The following SPATA18 variants were observed in gnomAD, a reference collection of about 807,000 sequenced individuals.
SPATA18 encodes the protein spermatogenesis associated 18.
A neutral mutation model predicts 68.1 loss-of-function variants in SPATA18; 54 were observed. The ratio of observed to expected loss-of-function variants is 0.79; its 90% CI spans 0.64 to 0.99. The LOEUF (loss-of-function observed/expected upper bound fraction) is 0.99. Among genes scored for constraint, SPATA18 ranks in the 50% least tolerant of loss-of-function variants. SPATA18 has a pLI of 0.00. For synonymous variants in SPATA18, 242 were observed against 244.8 expected, an observed-to-expected ratio of 0.99 and a Z score of 0.11; for missense variants, 724 against 681.1, an observed-to-expected ratio of 1.06 and a Z score of -0.70.
In SPATA18 at chr4:52,062,222, C is replaced by A; in HGVS notation, c.312C>A (p.Asp104Glu). ...TTTTTTTTGGTGTATCTTTCCAGGA[C>A]ACGTTTGATAGGGAGAGACATAAAG... Reference protein sequence around the residue: ...SVDSKVPSLQDTFDRERHKDP... With the variant: ...SVDSKVPSLQETFDRERHKDP... The change falls in exon 4 of 13, where the codon GAC becomes GAA. Residue 104 changes from aspartate to glutamate, a missense_variant and splice_region_variant. Asp to Glu is a conservative substitution (Grantham distance 45). Transcript: ENST00000295213. The A allele has an allele frequency of 4.1e-6, 6 of 1,462,240 alleles. No homozygotes were observed. The highest frequency in any genetic ancestry group is 4.6e-6 in the Non-Finnish European group (5 of 1,080,266). The allele number at this position is 1,462,240 out of a possible 1,614,324, so 90.6% of individuals were successfully genotyped here.
intron 4 of SPATA18, among the ~76,000 whole-genome samples, chr4:52,066,739 G>A (rs1440837150): frequency 6.6e-6 from 1 of 152,142 alleles, no homozygotes; most frequent in African/African-American, 2.4e-5. Flanking sequence ...CCACTTATGA[G>A]TGAGAACATG....
At chr4:52,057,192 T>C (rs946726271) in intron 1 of SPATA18, among the ~76,000 whole-genome samples, 3 of 152,118 alleles carry the variant, frequency 2.0e-5, no homozygotes, top group Non-Finnish European at 4.4e-5. Context: ...TTTTTTTTTT[T>C]AATATAGCTT....
At chr4:52,080,628 T>G (rs1333759071) in intron 9 of SPATA18, among the ~76,000 whole-genome samples, 2 of 152,222 alleles carry the variant, frequency 1.3e-5, no homozygotes, top group African/African-American at 2.4e-5. Context: ...AGCCTCAAGC[T>G]GCTTAGGTTC....
Position 52,079,935 on chromosome 4 carries a change from G to A in SPATA18, c.1355+16G>A. The A allele has an allele frequency of 1.2e-6, 2 of 1,606,828 alleles. No individual in the cohort carries two copies. The highest frequency in any genetic ancestry group is 2.2e-5 in the South Asian group (2 of 89,666). ...ATGATTGCAAGTAAGAGACACAGGAGCAGAAGCTAAGGGATTTATCATGAA... is the reference window on the plus strand; with the variant it reads ...ATGATTGCAAGTAAGAGACACAGGAACAGAAGCTAAGGGATTTATCATGAA... On this transcript the variant is annotated intron_variant, in intron 9 of 12. Transcript: ENST00000295213.
At chr4:52,071,694 G>A (rs1739855993) in intron 5 of SPATA18, among the ~76,000 whole-genome samples, 2 of 152,118 alleles carry the variant, frequency 1.3e-5, no homozygotes, top group Admixed American at 6.5e-5. Context: ...TTTTCCCCAT[G>A]CAAGCTGCAG....
At chr4:52,059,881 C>T (rs1480953605) in intron 1 of SPATA18, among the ~76,000 whole-genome samples, 1 of 152,148 alleles carries the variant, frequency 6.6e-6, no homozygotes, top group Admixed American at 6.5e-5. Flanking sequence ...TTTGTATTGT[C>T]TTATAACAGG....
intron 1 of SPATA18, among the ~76,000 whole-genome samples, chr4:52,056,971 G>A (rs1484516419): frequency 2.6e-5 from 4 of 152,028 alleles, no homozygotes; most frequent in African/African-American, 4.8e-5. Flanking sequence ...CTCACTTTCC[G>A]CTAATATGCC....
chr4:52,087,647 G>T (rs958567521), intron 11 of SPATA18, among the ~76,000 whole-genome samples: 11 of 152,104 alleles, frequency 7.2e-5, no homozygotes, highest in Admixed American at 3.9e-4. Flanking sequence ...TTTTGTACAA[G>T]TACCATGCTG....
intron 6 of SPATA18, among the ~76,000 whole-genome samples, chr4:52,072,775 GA>G (rs1560595084): frequency 6.6e-6 from 1 of 152,212 alleles, no homozygotes; most frequent in East Asian, 1.9e-4. Flanking sequence ...TACCCTCATG[GA>G]AAAAATGTTC....
intron 6 of SPATA18, among the ~76,000 whole-genome samples, chr4:52,074,551 A>G (rs1740154387): frequency 2.0e-5 from 3 of 152,176 alleles, no homozygotes; most frequent in Non-Finnish European, 2.9e-5. Flanking sequence ...TCATTCTAGT[A>G]ACATACATGA....
intron 1 of SPATA18, among the ~76,000 whole-genome samples, 182 bp downstream of exon 1, chr4:52,051,973 G>C (rs1737919863): frequency 6.6e-6 from 1 of 152,234 alleles, no homozygotes; most frequent in African/African-American, 2.4e-5. Flanking sequence ...GTGTGTACAT[G>C]CCCTTGTCTC....
chr4:52,074,476 A>G (rs1278693888), intron 6 of SPATA18, among the ~76,000 whole-genome samples: 1 of 152,170 alleles, frequency 6.6e-6, no homozygotes, highest in East Asian at 1.9e-4. Flanking sequence ...GTTCAAAACC[A>G]GGGAAGCATA....
chr4:52,090,265 A>G (rs1056108041), intron 11 of SPATA18, among the ~76,000 whole-genome samples: 1 of 152,094 alleles, frequency 6.6e-6, no homozygotes, highest in Admixed American at 6.5e-5. Context: ...TAATTGGGGC[A>G]TTTAGTCCGT....
At chr4:52,066,893 C>G (rs1442626220) in intron 4 of SPATA18, among the ~76,000 whole-genome samples, 1 of 152,186 alleles carries the variant, frequency 6.6e-6, no homozygotes, top group African/African-American at 2.4e-5. Flanking sequence ...TTTCTTTATT[C>G]AGTCCATCAT....
At chr4:52,078,478 T>A (rs28655348) in intron 7 of SPATA18, 47,950 of 334,816 alleles carry the variant, frequency 0.14, 3,979 homozygotes, top group South Asian at 0.26. Context: ...TTCTGCACTG[T>A]CCTGCTTCCT....
intron 1 of SPATA18, among the ~76,000 whole-genome samples, chr4:52,058,919 A>G (rs922268188): frequency 4.6e-5 from 7 of 152,210 alleles, no homozygotes; most frequent in Non-Finnish European, 1.0e-4. Flanking sequence ...TAATTCTTCT[A>G]GCTCCTATTG....
At chr4:52,063,311 T>C (rs978163539) in intron 4 of SPATA18, among the ~76,000 whole-genome samples, 1 of 152,202 alleles carries the variant, frequency 6.6e-6, no homozygotes, top group African/African-American at 2.4e-5. Flanking sequence ...TCAAAATGCA[T>C]ACAACAAATA....
chr4:52,053,638 C>T (rs539358826), intron 1 of SPATA18, among the ~76,000 whole-genome samples: 1 of 152,210 alleles, frequency 6.6e-6, no homozygotes, highest in East Asian at 1.9e-4. Context: ...GGAATTTAGC[C>T]TCTCCCATGC....
chr4:52,069,095 C>T (rs1196999594), intron 4 of SPATA18, among the ~76,000 whole-genome samples: 1 of 152,130 alleles, frequency 6.6e-6, no homozygotes, highest in Non-Finnish European at 1.5e-5. Flanking sequence ...TCTTGAACTC[C>T]TGAGCTCAAA....
Sources: allele counts gnomAD v4.1 joint callset (sites outside exome capture counted in the v4.1 genomes callset), GRCh38; gene constraint gnomAD v4.1.1; transcripts MANE v1.5; gene names NCBI Gene and HGNC (gene_info 2026-07-23, HGNC 2026-07-21).